KCNIP4: variants seen among roughly 807,000 people sequenced by gnomAD.
The protein encoded by KCNIP4 is potassium voltage-gated channel interacting protein 4.
KCNIP4 carries 12 observed loss-of-function variants against 34.0 expected under a neutral mutation model. The ratio of observed to expected loss-of-function variants is 0.35; its 90% CI spans 0.23 to 0.57. The LOEUF (loss-of-function observed/expected upper bound fraction) is 0.57. Ranked by LOEUF, KCNIP4 falls within the 20% of genes least tolerant of loss-of-function variation. The pLI is 0.83. For synonymous variants in KCNIP4, 124 were observed against 102.2 expected (o/e 1.21, Z -1.29); for missense variants, 238 against 311.7 (o/e 0.76, Z 1.78).
chr4:21,488,700 C>T (rs995189955), intron 1 of KCNIP4, among the ~76,000 whole-genome samples: 14 of 147,580 alleles, frequency 9.5e-5, no homozygotes, highest in African/African-American at 3.7e-4. Context: ...ACACAAAAAG[C>T]ATCAGTGTTG....
chr4:20,946,491 G>A, intron 1 of KCNIP4, among the ~76,000 whole-genome samples: 1 of 152,134 alleles, frequency 6.6e-6, no homozygotes, highest in Non-Finnish European at 1.5e-5. Context: ...GTACACTTAG[G>A]AATGCGGACA....
chr4:21,799,807 C>T (rs145462790), intron 1 of KCNIP4, among the ~76,000 whole-genome samples: 3 of 152,258 alleles, frequency 2.0e-5, no homozygotes, highest in South Asian at 2.1e-4. Context: ...TAGTAAAATA[C>T]ACTCCATGGA....
At chr4:21,802,486 TC>T (rs1721058627) in intron 1 of KCNIP4, among the ~76,000 whole-genome samples, 1 of 152,126 alleles carries the variant, frequency 6.6e-6, no homozygotes, top group Non-Finnish European at 1.5e-5. Flanking sequence ...ATTTTTTATT[TC>T]CATATTGCAG....
intron 1 of KCNIP4, among the ~76,000 whole-genome samples, chr4:21,399,483 C>T (rs1398757329): frequency 6.6e-6 from 1 of 152,172 alleles, no homozygotes; most frequent in Non-Finnish European, 1.5e-5. Context: ...CCACCTGAAG[C>T]CCAGAACTAC....
rs397992521 is a variant in KCNIP4 at position 21,810,689 on chromosome 4, C to CAAAAAA, written c.61+137876_61+137881dup. On this transcript the variant is annotated intron_variant, in intron 1 of 8. Transcript: ENST00000382152. ...TGGGCGACAGAGCGAGACTCCGTCT[C>CAAAAAA]AAAAAAAAAAAAAAAAAAAAAAAAA... 3.2e-4 allele frequency among the ~76,000 whole-genome samples: 34 copies of CAAAAAA among 107,576 alleles called. 2 individuals are homozygous for CAAAAAA. The highest frequency in any genetic ancestry group is 1.4e-3 in the South Asian group (4 of 2,782). The allele number at this position is 107,576 out of a possible 152,430, so 70.6% of individuals were successfully genotyped here.
chr4:21,595,943 C>T (rs1001969321), intron 1 of KCNIP4, among the ~76,000 whole-genome samples: 1 of 152,088 alleles, frequency 6.6e-6, no homozygotes, highest in Non-Finnish European at 1.5e-5. Flanking sequence ...TCAGGGGCCA[C>T]TTGAAATCTC....
chr4:20,803,893 A>C (rs1714737925), intron 3 of KCNIP4, among the ~76,000 whole-genome samples: 1 of 152,184 alleles, frequency 6.6e-6, no homozygotes, highest in Admixed American at 6.5e-5. Context: ...ACCATGCTGA[A>C]TGGGCTCTGA....
intron 1 of KCNIP4, among the ~76,000 whole-genome samples, chr4:20,890,025 G>A (rs1009100411): frequency 6.6e-6 from 1 of 152,106 alleles, no homozygotes; most frequent in African/African-American, 2.4e-5. Flanking sequence ...AATCCCTGCT[G>A]TCTAGAATCT....
intron 3 of KCNIP4, among the ~76,000 whole-genome samples, chr4:20,833,617 C>T (rs911567018): frequency 3.3e-5 from 5 of 152,150 alleles, no homozygotes; most frequent in Non-Finnish European, 5.9e-5. Context: ...TTTTCTAACA[C>T]GGTATTTCAT....
chr4:21,841,050 T>A, intron 1 of KCNIP4, among the ~76,000 whole-genome samples: 1 of 152,342 alleles, frequency 6.6e-6, no homozygotes, highest in African/African-American at 2.4e-5. Context: ...AATTGCTTTT[T>A]ATATGTCTTC....
chr4:20,976,050 G>A (rs1735461176), intron 1 of KCNIP4, among the ~76,000 whole-genome samples: 1 of 152,170 alleles, frequency 6.6e-6, no homozygotes. Context: ...TGAAAAAGCT[G>A]GCTGGCCACT....
rs565221502 is a variant in KCNIP4, at chr4:21,873,539, T to G, written c.61+75032A>C. ...TACCACAGTGCCTGGCACAAAATAG[T>G]CACTGAGAAAATGTTTGGTCAATGA... On this transcript the variant is annotated intron_variant, in intron 1 of 8. Transcript: ENST00000382152. 7.7e-4 allele frequency among the ~76,000 whole-genome samples: 117 copies of G among 152,302 alleles called. 1 individual carries two copies. The Middle Eastern group carries it at 0.017, about 22-fold the overall frequency.
At chr4:21,615,328 C>T (rs1744502514) in intron 1 of KCNIP4, among the ~76,000 whole-genome samples, 1 of 151,022 alleles carries the variant, frequency 6.6e-6, no homozygotes, top group African/African-American at 2.4e-5. Flanking sequence ...ATCACGAGGT[C>T]AGAAGATCGA....
intron 1 of KCNIP4, among the ~76,000 whole-genome samples, chr4:21,552,210 T>C (rs1738644664): frequency 6.6e-6 from 1 of 152,110 alleles, no homozygotes; most frequent in Non-Finnish European, 1.5e-5. Context: ...TACATTCATT[T>C]GGAAAAAAAT....
At chr4:21,117,291 C>T (rs5027019) in intron 1 of KCNIP4, among the ~76,000 whole-genome samples, 23,975 of 54,354 alleles carry the variant, frequency 0.44, 2,811 homozygotes, top group Non-Finnish European at 0.48. Flanking sequence ...GTAGCCTGGC[C>T]GGGGTTGCCG....
chr4:21,404,483 T>A (rs1444080060), intron 1 of KCNIP4, among the ~76,000 whole-genome samples: 2 of 152,144 alleles, frequency 1.3e-5, no homozygotes, highest in African/African-American at 4.8e-5. Flanking sequence ...TGCCTCTGGA[T>A]GTAATTTAGA....
intron 1 of KCNIP4, among the ~76,000 whole-genome samples, chr4:21,689,733 T>C (rs1230103091): frequency 6.6e-6 from 1 of 152,118 alleles, no homozygotes; most frequent in Admixed American, 6.6e-5. Context: ...TTTATGATGA[T>C]ATAGAACGAT....
intron 1 of KCNIP4, among the ~76,000 whole-genome samples, chr4:21,726,630 T>A (rs1471256008): frequency 6.6e-6 from 1 of 152,212 alleles, no homozygotes; most frequent in East Asian, 1.9e-4. Flanking sequence ...TCCACGTCCC[T>A]GTGAATACCC....
chr4:20,860,357 C>T (rs1722062770), intron 2 of KCNIP4, among the ~76,000 whole-genome samples: 2 of 152,162 alleles, frequency 1.3e-5, no homozygotes, highest in South Asian at 4.1e-4. Flanking sequence ...AGGCTGGTCT[C>T]AAACTCTTAA....
Sources: gnomAD v4.1 joint callset for allele counts (sites outside exome capture counted in the v4.1 genomes callset) on GRCh38, gnomAD v4.1.1 for gene constraint, MANE v1.5 for transcripts, NCBI Gene and HGNC (gene_info 2026-07-23, HGNC 2026-07-21) for gene names.